FILIP1: variants seen among roughly 807,000 people sequenced by gnomAD.
FILIP1 encodes the protein filamin-A-interacting protein 1.
In FILIP1, 61 loss-of-function variants were observed where a neutral mutation model predicts 102.1. The ratio of observed to expected loss-of-function variants is 0.60; its 90% CI spans 0.49 to 0.74. The LOEUF is 0.74. Among genes scored for constraint, FILIP1 ranks in the 30% least tolerant of loss-of-function variants. The pLI is 0.00. For missense variants in FILIP1, 1,314 were observed against 1,441.2 expected, an observed-to-expected ratio of 0.91 and a Z score of 1.43; for synonymous variants, 491 against 526.9, an observed-to-expected ratio of 0.93 and a Z score of 0.93.
intron 2 of FILIP1, among the ~76,000 whole-genome samples, chr6:75,396,393 G>A (rs759117570): frequency 8.5e-5 from 13 of 152,058 alleles, no homozygotes; most frequent in Non-Finnish European, 1.5e-4. Flanking sequence ...CCATGTGAGC[G>A]GTGGTGAGGA....
intron 4 of FILIP1, among the ~76,000 whole-genome samples, chr6:75,341,406 C>T (rs1051921002): frequency 2.6e-5 from 4 of 152,024 alleles, no homozygotes; most frequent in Middle Eastern, 3.4e-3. Context: ...GATCTGCCTG[C>T]CTCAGACTCC....
chr6:75,308,432 T>A lies in FILIP1; in HGVS notation c.*259A>T. On this transcript the variant is annotated 3_prime_UTR_variant, in exon 6 of 6. Transcript: ENST00000237172. ...AGGCTCAGATGGGTCTATTGATGGG[T>A]CCACTTGCTAGAAGCAAAACTGGAA... The A allele has an allele frequency of 7.8e-7, 1 of 1,273,906 alleles. No homozygotes were observed. The highest frequency in any genetic ancestry group is 1.0e-6 in the Non-Finnish European group (1 of 989,514). The allele number at this position is 1,273,906 out of a possible 1,614,324, so 78.9% of individuals were successfully genotyped here. A position where few individuals can be genotyped will look rare whatever the true frequency, so the allele number is the denominator to read the frequency against.
Position 75,312,507 on chromosome 6 carries a change from G to A in FILIP1, c.3325C>T (p.Leu1109Phe), listed in dbSNP as rs1488362044. The A allele has an allele frequency of 6.2e-7, 1 of 1,614,062 alleles. No individual in the cohort carries two copies. Among genetic ancestry groups the A allele is most frequent in the African/African-American group, 1.3e-5 (1 of 74,912 alleles). ...GAGAGGTGATTCCTGGGAGAGCGAA[G>A]GACAGTGCCGGTGGAAACCTCCTTT... ...AEKEVSTGTV[L>F]RSPRNHLSSR... The change falls in exon 5 of 6, where the codon CTT becomes TTT. Residue 1109 changes from leucine to phenylalanine, a missense_variant. Transcript: ENST00000237172.
intron 4 of FILIP1, among the ~76,000 whole-genome samples, chr6:75,337,368 A>T (rs760059679): frequency 1.3e-5 from 2 of 152,126 alleles, no homozygotes; most frequent in Non-Finnish European, 2.9e-5. Flanking sequence ...GACTCTTTAA[A>T]ACAAGTCTTC....
rs1409420542 is a variant in FILIP1, at chr6:75,312,433, C to T, written c.3399G>A (p.Pro1133=). 10 of 1,613,892 alleles carry T rather than the reference C, an allele frequency of 6.2e-6. No individual in the cohort carries two copies. Among genetic ancestry groups the T allele is most frequent in the East Asian group, 2.2e-5 (1 of 44,878 alleles). The part of the protein sequence containing the change: ...SKVTSTITIT[P]VTTSSARGTQ... Reference sequence around the variant, plus strand: ...TTCCTCGAGCAGATGACGTTGTGACCGGTGTTATGGTGATAGTGCTCGTCA... The same window carrying T: ...TTCCTCGAGCAGATGACGTTGTGACTGGTGTTATGGTGATAGTGCTCGTCA... The change falls in exon 5 of 6, where the codon CCG becomes CCA. Residue 1133 remains proline, a synonymous_variant. Transcript: ENST00000237172.
At chr6:75,335,250 G>A (rs1381094850) in intron 4 of FILIP1, among the ~76,000 whole-genome samples, 1 of 152,106 alleles carries the variant, frequency 6.6e-6, no homozygotes, top group Non-Finnish European at 1.5e-5. Context: ...AATGCCAAGT[G>A]CCTTTCATTT....
chr6:75,361,283 G>C (rs1229813597), intron 3 of FILIP1, among the ~76,000 whole-genome samples: 1 of 152,138 alleles, frequency 6.6e-6, no homozygotes, highest in Non-Finnish European at 1.5e-5. Flanking sequence ...TCTGTGTTCA[G>C]CCCATAGAAC....
chr6:75,314,060 C>A lies in FILIP1; in HGVS notation c.1772G>T (p.Cys591Phe). The change falls in exon 5 of 6, where the codon TGC becomes TTC. Residue 591 changes from cysteine (C) to phenylalanine (F), a missense_variant. Physicochemically the swap from Cys to Phe is radical, Grantham distance 205. Transcript: ENST00000237172. ...TCTCTTCTTTAGTAAGTCAACACTG[C>A]AGCTTAATTCAGAGGATTTTTCTTC... is the stretch of plus-strand genomic sequence containing the variant. ...SEEEKSSELS[C>F]SVDLLKKRLD... 6.6e-7 allele frequency: 1 copy of A among 1,509,358 alleles called. No homozygotes were observed. Among genetic ancestry groups the A allele is most frequent in the Admixed American group, 2.5e-5 (1 of 39,944 alleles). The allele number at this position is 1,509,358 out of a possible 1,614,324, so 93.5% of individuals were successfully genotyped here. A position where few individuals can be genotyped will look rare whatever the true frequency, so the allele number is the denominator to read the frequency against.
intron 1 of FILIP1, among the ~76,000 whole-genome samples, chr6:75,456,464 T>A (rs1778828350): frequency 6.6e-6 from 1 of 152,204 alleles, no homozygotes; most frequent in Non-Finnish European, 1.5e-5. Flanking sequence ...TAAGTTGGAA[T>A]CTCAGATAAA....
intron 1 of FILIP1, among the ~76,000 whole-genome samples, chr6:75,429,404 T>C (rs945380381): frequency 6.6e-6 from 1 of 152,180 alleles, no homozygotes; most frequent in East Asian, 1.9e-4. Context: ...ATCTACAAGC[T>C]TGATCCAAGG....
chr6:75,324,035 A>T (rs1354328948), intron 4 of FILIP1, among the ~76,000 whole-genome samples: 1 of 152,320 alleles, frequency 6.6e-6, no homozygotes, highest in East Asian at 1.9e-4. Flanking sequence ...TCTTTTATTT[A>T]TAAATCACTC....
intron 4 of FILIP1, among the ~76,000 whole-genome samples, chr6:75,335,919 T>C (rs965802022): frequency 2.6e-5 from 4 of 152,204 alleles, no homozygotes; most frequent in African/African-American, 7.2e-5. Context: ...TAGCCTGAAC[T>C]GAATATAATA....
intron 2 of FILIP1, among the ~76,000 whole-genome samples, chr6:75,407,747 A>G (rs1465714146): frequency 1.3e-5 from 2 of 152,208 alleles, no homozygotes; most frequent in East Asian, 3.9e-4. Flanking sequence ...GGAGCTAACT[A>G]TAACAACAAA....
Position 75,313,728 on chromosome 6 carries a change from G to A in FILIP1, c.2104C>T (p.Gln702Ter), listed in dbSNP as rs367963442. The change falls in exon 5 of 6, where the codon CAG becomes TAG. Residue 702 changes from glutamine (Q) to a stop codon, truncating the protein, a stop_gained. Coordinates refer to ENST00000237172, the MANE Select transcript of FILIP1 (RefSeq NM_015687.5). LOFTEE classifies it high-confidence loss of function. The surrounding 1 kb of genome is among the most constrained non-coding windows in gnomAD (Gnocchi z 4.2). ...AATCTGTGTCTCAGTTCAGCTTCCT[G>A]GCTCACAACCTCACCCTTCTCTATT... Reference protein sequence around the residue: ...KAIEKGEVVSQEAELRHRFRL... With the variant: ...KAIEKGEVVS The A allele has an allele frequency of 2.6e-6, 4 of 1,568,058 alleles. No homozygotes were observed. Among genetic ancestry groups the A allele is most frequent in the Non-Finnish European group, 3.4e-6 (4 of 1,162,198 alleles).
intron 4 of FILIP1, among the ~76,000 whole-genome samples, chr6:75,324,301 C>T (rs1349226315): frequency 2.1e-5 from 1 of 47,602 alleles, no homozygotes; most frequent in East Asian, 4.9e-4. Flanking sequence ...ACAACAGCTG[C>T]AAAAAAATAA....
intron 2 of FILIP1, among the ~76,000 whole-genome samples, chr6:75,380,931 C>T (rs1166212733): frequency 6.6e-6 from 1 of 152,106 alleles, no homozygotes; most frequent in African/African-American, 2.4e-5. Context: ...AAACTTTTTT[C>T]ATAACTTTTA....
intron 1 of FILIP1, among the ~76,000 whole-genome samples, chr6:75,485,719 C>G (rs1779764090): frequency 2.0e-5 from 3 of 151,852 alleles, no homozygotes. Flanking sequence ...ATCATGCAGG[C>G]AAATAAAGAT....
At chr6:75,421,689 A>G (rs1039430852) in intron 1 of FILIP1, among the ~76,000 whole-genome samples, 3 of 152,182 alleles carry the variant, frequency 2.0e-5, no homozygotes, top group African/African-American at 7.2e-5. Flanking sequence ...TTTAGGGCTT[A>G]GTAATACTGT....
At chr6:75,403,130 G>A (rs1184437961) in intron 2 of FILIP1, among the ~76,000 whole-genome samples, 1 of 152,154 alleles carries the variant, frequency 6.6e-6, no homozygotes, top group Admixed American at 6.6e-5. Context: ...ATCAATGTAG[G>A]ATTTCATGGC....
Sources: gnomAD v4.1 joint callset for allele counts (sites outside exome capture counted in the v4.1 genomes callset) on GRCh38, gnomAD v4.1.1 for gene constraint, Gnocchi (gnomAD v3.1) non-coding constraint, MANE v1.5 for transcripts, NCBI Gene and HGNC (gene_info 2026-07-23, HGNC 2026-07-21) for gene names.